SYT16: variants seen among roughly 807,000 people sequenced by gnomAD.
SYT16 encodes synaptotagmin-16.
Under a neutral mutation model 61.4 loss-of-function variants are expected in SYT16, and 42 were observed. The observed-to-expected ratio is 0.68, with a 90% confidence interval of 0.53 to 0.89. The LOEUF (loss-of-function observed/expected upper bound fraction) is 0.89. Among genes scored for constraint, SYT16 ranks in the 40% least tolerant of loss-of-function variants. SYT16 has a pLI of 0.00. For synonymous variants in SYT16, 314 were observed against 302.3 expected (o/e 1.04, Z -0.40); for missense variants, 804 against 807.3 (o/e 1.00, Z 0.05).
intron 2 of SYT16, among the ~76,000 whole-genome samples, chr14:61,970,836 C>A (rs1390212962): frequency 6.6e-6 from 1 of 152,050 alleles, no homozygotes; most frequent in Non-Finnish European, 1.5e-5. Context: ...AAGCCTAGAA[C>A]TTTGTGATAC....
At chr14:62,004,621 A>C (rs1316332861) in intron 3 of SYT16, among the ~76,000 whole-genome samples, 1 of 152,192 alleles carries the variant, frequency 6.6e-6, no homozygotes, top group Non-Finnish European at 1.5e-5. Context: ...ACCTAAGAGA[A>C]TATGAACATA....
rs111387122 is a variant in SYT16 at position 61,817,158 on chromosome 14, T to C, written c.-325+4348T>C. On this transcript the variant is annotated intron_variant, in intron 1 of 7. Coordinates refer to ENST00000683842, the MANE Select transcript of SYT16 (RefSeq NM_001367656.1). Reference sequence around the variant, plus strand: ...GGGGCTAGTTGCGGTGGCTCATGCCTGTAATCCGAGCACTTTGGGAGGCCG... The same window carrying C: ...GGGGCTAGTTGCGGTGGCTCATGCCCGTAATCCGAGCACTTTGGGAGGCCG... Among the ~76,000 whole-genome samples the C allele has an allele frequency of 7.2e-3, 1,095 of 152,184 alleles. 18 individuals carry two copies. Among genetic ancestry groups the C allele is most frequent in the African/African-American group, 0.025 (1,053 of 41,506 alleles).
intron 3 of SYT16, among the ~76,000 whole-genome samples, chr14:62,056,811 A>C (rs2055576646): frequency 6.6e-6 from 1 of 152,192 alleles, no homozygotes; most frequent in South Asian, 2.1e-4. Context: ...CACTGGAGGC[A>C]ATGAAGACAC....
chr14:62,094,115 C>T (rs1167170682), intron 7 of SYT16, among the ~76,000 whole-genome samples: 1 of 152,042 alleles, frequency 6.6e-6, no homozygotes, highest in East Asian at 1.9e-4. Flanking sequence ...TCTCATATTC[C>T]ATTTTTCAGA....
intron 2 of SYT16, among the ~76,000 whole-genome samples, chr14:61,991,783 C>T (rs1273748706): frequency 2.0e-5 from 3 of 152,108 alleles, no homozygotes; most frequent in Admixed American, 6.5e-5. Context: ...TGGTTGTATC[C>T]GTCCTCAATA....
intron 7 of SYT16, among the ~76,000 whole-genome samples, chr14:62,094,965 G>A (rs573207011): frequency 3.3e-5 from 5 of 152,028 alleles, no homozygotes; most frequent in African/African-American, 1.2e-4. Context: ...GCCTGCAACC[G>A]GTTCTAGAGT....
chr14:61,977,117 TG>T (rs1452896831), intron 2 of SYT16, among the ~76,000 whole-genome samples: 2 of 152,144 alleles, frequency 1.3e-5, no homozygotes, highest in African/African-American at 4.8e-5. Context: ...TGGACTTCGT[TG>T]TCCACATCAT....
intron 1 of SYT16, among the ~76,000 whole-genome samples, chr14:61,892,797 G>A (rs2048183610): frequency 6.6e-6 from 1 of 152,138 alleles, no homozygotes; most frequent in African/African-American, 2.4e-5. Context: ...ATTAGATACC[G>A]GGCCGGCAAG....
Position 62,100,398 on chromosome 14 carries a change from A to C in SYT16, c.1629A>C (p.Thr543=). Residue 543 remains threonine, a synonymous_variant, in exon 8 of 8, where the codon ACA becomes ACC. Transcript: ENST00000683842. ...ACCCTTTTTTTTTTGTCTTAGATAC[A>C]TATGGAAAACTCTTTCTCCTCAATT... ...RNLAVNRAPD[T]YGKLFLLNSV... is the part of the protein sequence containing the mutation. 1.1e-5 allele frequency: 17 copies of C among 1,599,958 alleles called. No homozygotes were observed. The highest frequency in any genetic ancestry group is 1.4e-5 in the Non-Finnish European group (17 of 1,172,672).
chr14:61,871,495 C>G (rs2047331882), intron 1 of SYT16, among the ~76,000 whole-genome samples: 1 of 152,160 alleles, frequency 6.6e-6, no homozygotes, highest in South Asian at 2.1e-4. Flanking sequence ...GTTTGGGCTC[C>G]CCTTCCCTGT....
intron 1 of SYT16, among the ~76,000 whole-genome samples, chr14:61,912,428 T>C (rs2048970420): frequency 6.6e-6 from 1 of 152,246 alleles, no homozygotes; most frequent in African/African-American, 2.4e-5. Context: ...AGAGTCAATT[T>C]GTATTATCCT....
chr14:61,971,896 G>A (rs1356322084), intron 2 of SYT16, among the ~76,000 whole-genome samples: 4 of 152,186 alleles, frequency 2.6e-5, no homozygotes, highest in African/African-American at 9.7e-5. Context: ...AGACACTATT[G>A]TCCCAGCTGG....
chr14:61,991,052 A>G (rs956390542), intron 2 of SYT16, among the ~76,000 whole-genome samples: 1 of 152,166 alleles, frequency 6.6e-6, no homozygotes, highest in Non-Finnish European at 1.5e-5. Flanking sequence ...ATCTTTATCA[A>G]TTGCTACTAA....
chr14:61,956,067 T>C lies in SYT16; in HGVS notation c.-324-14065T>C, dbSNP rs566543785. Reference sequence around the variant, plus strand: ...TGCATTTCCCTGATGACTAGTGATTTTGAGTACCTGTTGGTCATTTACATG... The same window carrying C: ...TGCATTTCCCTGATGACTAGTGATTCTGAGTACCTGTTGGTCATTTACATG... On this transcript the variant is annotated intron_variant, in intron 1 of 7. Transcript: ENST00000683842. Among the ~76,000 whole-genome samples, 19 of 152,096 alleles carry C rather than the reference T, an allele frequency of 1.2e-4. No homozygotes were observed. The South Asian group carries it at 3.3e-3, about 27-fold the overall frequency.
chr14:62,050,508 C>T (rs1406221093), intron 3 of SYT16, among the ~76,000 whole-genome samples: 2 of 152,162 alleles, frequency 1.3e-5, no homozygotes, highest in East Asian at 1.9e-4. Context: ...TGTTCTGTTG[C>T]TGGTGAGGAG....
Position 62,110,470 on chromosome 14 carries a change from A to G in SYT16, c.*9763A>G, listed in dbSNP as rs1414955598. On this transcript the variant is annotated 3_prime_UTR_variant, in exon 8 of 8. Coordinates refer to ENST00000683842, the MANE Select transcript of SYT16 (RefSeq NM_001367656.1). ...AAGACTTGCAATGTTTTTGAAGACT[A>G]CAGGATAGTTTGTGATTTTTATATT... The G allele has an allele frequency of 2.0e-5, 3 of 152,138 alleles. No homozygotes were observed. The highest frequency in any genetic ancestry group is 2.9e-5 in the Non-Finnish European group (2 of 67,980). The allele number at this position is 152,138 out of a possible 1,614,324, so 9.4% of individuals were successfully genotyped here.
At chr14:61,893,291 C>T (rs1458982388) in intron 1 of SYT16, among the ~76,000 whole-genome samples, 2 of 152,166 alleles carry the variant, frequency 1.3e-5, no homozygotes, top group East Asian at 1.9e-4. Context: ...ATAAAGTTAA[C>T]GCTGGGTATT....
chr14:61,867,399 C>T (rs1170724209), intron 1 of SYT16, among the ~76,000 whole-genome samples: 3 of 151,994 alleles, frequency 2.0e-5, no homozygotes, highest in Non-Finnish European at 2.9e-5. Context: ...TTTAACCTCA[C>T]GGTGACTCAT....
At chr14:62,038,190 G>A (rs1211974083) in intron 3 of SYT16, among the ~76,000 whole-genome samples, 1 of 151,426 alleles carries the variant, frequency 6.6e-6, no homozygotes, top group Non-Finnish European at 1.5e-5. Context: ...GGATTTTGCT[G>A]CTGCTAGAGT....
Sources: gnomAD v4.1 joint callset for allele counts (sites outside exome capture counted in the v4.1 genomes callset) on GRCh38, gnomAD v4.1.1 for gene constraint, MANE v1.5 for transcripts, NCBI Gene and HGNC (gene_info 2026-07-23, HGNC 2026-07-21) for gene names.